SV2C: variants seen among roughly 807,000 people sequenced by gnomAD.
The protein encoded by SV2C is synaptic vesicle glycoprotein 2C, also known as solute carrier family 22 member B3.
SV2C carries 49 observed loss-of-function variants against 79.7 expected under a neutral mutation model. The observed-to-expected ratio is 0.61, with a 90% CI of 0.49 to 0.78. SV2C has a LOEUF of 0.78. Among genes scored for constraint, SV2C ranks in the 30% least tolerant of loss-of-function variants. The pLI is 0.00. For missense variants in SV2C, 833 were observed against 912.9 expected, an observed-to-expected ratio of 0.91 and a Z score of 1.13; for synonymous variants, 334 against 333.2, an observed-to-expected ratio of 1.00 and a Z score of -0.03.
the SV2C span, among the ~76,000 whole-genome samples, chr5:75,926,398 G>C: frequency 1.3e-5 from 2 of 152,188 alleles, no homozygotes; most frequent in African/African-American, 4.8e-5. Context: ...AAGAACTAAT[G>C]AGCTTTGCTA....
At chr5:75,980,113 C>T in the SV2C span, among the ~76,000 whole-genome samples, 2 of 152,094 alleles carry the variant, frequency 1.3e-5, no homozygotes, top group Non-Finnish European at 2.9e-5. Context: ...ACGAGAAAAT[C>T]TAGAAGAAAT....
chr5:76,137,296 TA>T (rs767770597), intron 2 of SV2C, among the ~76,000 whole-genome samples: 1 of 152,242 alleles, frequency 6.6e-6, no homozygotes. Flanking sequence ...AAGAAATCCC[TA>T]ACTGTATCAG....
chr5:75,883,913 G>A, the SV2C span, among the ~76,000 whole-genome samples: 1 of 151,578 alleles, frequency 6.6e-6, no homozygotes, highest in Non-Finnish European at 1.5e-5. Flanking sequence ...CTGGGAAATA[G>A]AACTAACTGG....
chr5:76,213,575 G>C (rs561766439), intron 4 of SV2C, among the ~76,000 whole-genome samples: 7 of 152,244 alleles, frequency 4.6e-5, no homozygotes, highest in African/African-American at 1.4e-4. Flanking sequence ...ACACAGCATT[G>C]AGAGTTTTTA....
the SV2C span, among the ~76,000 whole-genome samples, chr5:76,028,107 T>G: frequency 6.6e-6 from 1 of 152,186 alleles, no homozygotes; most frequent in Admixed American, 6.5e-5. Context: ...CAATGTTTCC[T>G]CAATTCAGAA....
At chr5:76,273,487 AT>A (rs1746936059) in intron 4 of SV2C, among the ~76,000 whole-genome samples, 1 of 152,242 alleles carries the variant, frequency 6.6e-6, no homozygotes, top group South Asian at 2.1e-4. Context: ...AGAAAAAAAA[AT>A]GACCCTAAAA....
chr5:75,874,565 G>T, the SV2C span, among the ~76,000 whole-genome samples: 1 of 152,094 alleles, frequency 6.6e-6, no homozygotes, highest in African/African-American at 2.4e-5. Flanking sequence ...GAGCAATCAG[G>T]CAAGGGAAAG....
At chr5:76,185,219 G>A (rs1413579077) in intron 2 of SV2C, among the ~76,000 whole-genome samples, 1 of 152,246 alleles carries the variant, frequency 6.6e-6, no homozygotes, top group Non-Finnish European at 1.5e-5. Flanking sequence ...CTCTGCCCCT[G>A]TGGCTTTGCA....
intron 4 of SV2C, among the ~76,000 whole-genome samples, chr5:76,249,402 A>G (rs572547028): frequency 1.1e-3 from 171 of 152,344 alleles, no homozygotes; most frequent in Non-Finnish European, 2.0e-3. Flanking sequence ...CCATAGTCAC[A>G]AAGTTTAAAA....
At chr5:75,931,874 T>TTTC in the SV2C span, among the ~76,000 whole-genome samples, 1 of 152,180 alleles carries the variant, frequency 6.6e-6, no homozygotes, top group African/African-American at 2.4e-5. Context: ...ATATCTTGAA[T>TTTC]TTCTCCACGT....
chr5:75,883,646 A>G, the SV2C span, among the ~76,000 whole-genome samples: 2 of 132,736 alleles, frequency 1.5e-5, no homozygotes, highest in African/African-American at 2.9e-5. Flanking sequence ...ATGAGAACAC[A>G]TGGACACAGG....
At chr5:75,997,907 C>G in the SV2C span, among the ~76,000 whole-genome samples, 3 of 151,956 alleles carry the variant, frequency 2.0e-5, no homozygotes, top group Admixed American at 2.0e-4. Context: ...TTTATTGTGG[C>G]ACTATTCACA....
intron 4 of SV2C, among the ~76,000 whole-genome samples, chr5:76,272,601 G>GTGTTT (rs371715210): frequency 0.019 from 2,829 of 152,204 alleles, 35 homozygotes; most frequent in African/African-American, 0.035. Context: ...AGTTTAGAAG[G>GTGTTT]TGTTTTGTTT....
the SV2C span, among the ~76,000 whole-genome samples, chr5:75,861,613 A>G: frequency 1.0e-4 from 15 of 148,028 alleles, no homozygotes; most frequent in African/African-American, 3.7e-4. Flanking sequence ...AAAACATGGT[A>G]CATACACACC....
chr5:75,939,535 G>A, the SV2C span, among the ~76,000 whole-genome samples: 11 of 152,062 alleles, frequency 7.2e-5, no homozygotes, highest in East Asian at 1.9e-4. Context: ...ATTTTTTTGC[G>A]GGGTAGGGGG....
At chr5:76,124,240 C>T (rs1411487022) in intron 1 of SV2C, among the ~76,000 whole-genome samples, 1 of 152,154 alleles carries the variant, frequency 6.6e-6, no homozygotes, top group Non-Finnish European at 1.5e-5. Flanking sequence ...AACTGAAACT[C>T]CGTATCCATC....
chr5:76,077,192 C>T, the SV2C span, among the ~76,000 whole-genome samples: 1 of 151,888 alleles, frequency 6.6e-6, no homozygotes, highest in Non-Finnish European at 1.5e-5. Context: ...AAAAACAAAA[C>T]CTGCCTCTGA....
At chr5:76,221,630 G>A (rs1745067832) in intron 4 of SV2C, among the ~76,000 whole-genome samples, 1 of 152,126 alleles carries the variant, frequency 6.6e-6, no homozygotes, top group Non-Finnish European at 1.5e-5. Flanking sequence ...GGCTGCTGTG[G>A]CCTTTCTATT....
chr5:75,871,182 A>G, the SV2C span, among the ~76,000 whole-genome samples: 1 of 152,230 alleles, frequency 6.6e-6, no homozygotes, highest in South Asian at 2.1e-4. Flanking sequence ...GACATTTCAT[A>G]TAATTCAATG....
Sources: allele counts gnomAD v4.1 joint callset (sites outside exome capture counted in the v4.1 genomes callset), GRCh38; gene constraint gnomAD v4.1.1; transcripts MANE v1.5; gene names NCBI Gene and HGNC (gene_info 2026-07-23, HGNC 2026-07-21).